The following IL10RA variants were observed in gnomAD, a reference collection of about 807,000 sequenced individuals.
IL10RA encodes the protein interleukin-10 receptor subunit alpha.
In IL10RA, 18 loss-of-function variants were observed where a neutral mutation model predicts 29.6. That is an observed-to-expected ratio of 0.61 (90% CI 0.42 to 0.90). The LOEUF (loss-of-function observed/expected upper bound fraction) is 0.90, where lower values mean the gene tolerates loss of function less well. Ranked by LOEUF, IL10RA falls within the 40% of genes least tolerant of loss-of-function variation. The pLI, the probability that IL10RA is intolerant of heterozygous loss-of-function variation, is 0.00. For synonymous variants in IL10RA, 292 were observed against 294.1 expected (o/e 0.99, Z 0.07); for missense variants, 634 against 716.6 (o/e 0.88, Z 1.32).
chr11:117,996,329 C>T (rs2058056488), intron 6 of IL10RA, among the ~76,000 whole-genome samples: 1 of 152,170 alleles, frequency 6.6e-6, no homozygotes, highest in South Asian at 2.1e-4. Flanking sequence ...AGGCCAAGCC[C>T]TCCTCCCCTC....
chr11:117,993,894 A>G, intron 4 of IL10RA, 105 bp from the exon 5 acceptor site: 1 of 883,722 alleles, frequency 1.1e-6, no homozygotes, highest in Non-Finnish European at 1.9e-6. Flanking sequence ...GACAAAGGAT[A>G]CTGAAGGGGG....
intron 3 of IL10RA, among the ~76,000 whole-genome samples, chr11:117,990,904 G>A (rs1325842080): frequency 6.6e-6 from 1 of 152,092 alleles, no homozygotes; most frequent in Non-Finnish European, 1.5e-5. Context: ...ATGCTTAACA[G>A]TAAAGTGTTG....
At chr11:117,996,245 C>T (rs1382923479) in intron 6 of IL10RA, among the ~76,000 whole-genome samples, 1 of 151,864 alleles carries the variant, frequency 6.6e-6, no homozygotes, top group African/African-American at 2.4e-5. Flanking sequence ...GGAGAGAGGA[C>T]ACTGGGGGGC....
rs775988036 is a variant in IL10RA, at chr11:117,998,819, C to G, written c.915C>G (p.Ser305=). 1.2e-6 allele frequency: 2 copies of G among 1,614,148 alleles called. No homozygotes were observed. Among genetic ancestry groups the G allele is most frequent in the South Asian group, 2.2e-5 (2 of 91,082 alleles). ...PLDEEAFLKV[S]PELKNLDLHG... is the part of the protein sequence containing the mutation. ...ATGAGGAGGCCTTTTTGAAGGTGTC[C>G]CCAGAGCTGAAGAACTTGGACCTGC... Residue 305 remains serine, a synonymous_variant, in exon 7 of 7, where the codon TCC becomes TCG. Coordinates refer to ENST00000227752, the MANE Select transcript of IL10RA (RefSeq NM_001558.4).
intron 3 of IL10RA, among the ~76,000 whole-genome samples, chr11:117,991,896 G>T (rs755568269): frequency 6.6e-6 from 1 of 151,906 alleles, no homozygotes; most frequent in Non-Finnish European, 1.5e-5. Context: ...CACCATGCCC[G>T]GCTAATTTTT....
Position 117,989,619 on chromosome 11 carries a change from A to G in IL10RA, c.366A>G (p.Glu122=). The G allele has an allele frequency of 6.2e-7, 1 of 1,613,802 alleles. No individual in the cohort carries two copies. Among genetic ancestry groups the G allele is most frequent in the Non-Finnish European group, 8.5e-7 (1 of 1,180,004 alleles). ...CCAACACCCGCTTCTCTGTGGATGA[A>G]GGTGCTTTTCCTCCCTTGACTTAGA... is the stretch of plus-strand genomic sequence containing the variant. ...TVTNTRFSVD[E]VTLTVGSVNL... The change falls in exon 3 of 7, where the codon GAA becomes GAG. Residue 122 remains glutamate (E), a splice_region_variant and synonymous_variant. Transcript: ENST00000227752. This position sits in a 1 kb window ranked among gnomAD's most constrained non-coding sequence, Gnocchi z 4.5.
chr11:117,986,742 G>C (rs1165082485), intron 1 of IL10RA: 2 of 1,533,034 alleles, frequency 1.3e-6, no homozygotes, highest in Admixed American at 3.9e-5. Context: ...GGATTGGGAA[G>C]GATAGAGAAG....
At chr11:117,997,974 G>T (rs1446281760) in intron 6 of IL10RA, among the ~76,000 whole-genome samples, 3 of 152,122 alleles carry the variant, frequency 2.0e-5, no homozygotes, top group Non-Finnish European at 4.4e-5. Flanking sequence ...AGGCAGCACG[G>T]TGCTTGATGT....
In IL10RA at chr11:118,000,615, G is replaced by A. The variant is rs1243670632; in HGVS notation, c.*974G>A. ...CTACAGACCCAGAGGATAAGCCACT[G>A]GGCACTGGGCTGGGGTCCCTGCCTT... On this transcript the variant is annotated 3_prime_UTR_variant, in exon 7 of 7. Transcript: ENST00000227752. 2 of 454,172 alleles carry A rather than the reference G, an allele frequency of 4.4e-6. No homozygotes were observed. The allele number at this position is 454,172 out of a possible 1,614,324, so 28.1% of individuals were successfully genotyped here.
chr11:117,997,922 A>G (rs2058066265), intron 6 of IL10RA, among the ~76,000 whole-genome samples: 1 of 152,162 alleles, frequency 6.6e-6, no homozygotes, highest in South Asian at 2.1e-4. Context: ...TAAAGTGCCG[A>G]GAGCATTTCA....
Position 118,000,970 on chromosome 11 carries a change from G to C in IL10RA, c.*1329G>C, listed in dbSNP as rs932573252. On this transcript the variant is annotated 3_prime_UTR_variant, in exon 7 of 7. Transcript: ENST00000227752. The stretch of plus-strand genomic sequence containing the variant: ...GGCAGTTCAGTCCACAGGCATGGAA[G>C]CTGTGAGGGGACAGGCCTGTGCGTG... 2.2e-6 allele frequency: 1 copy of C among 454,040 alleles called. No individual in the cohort carries two copies. The highest frequency in any genetic ancestry group is 2.0e-5 in the African/African-American group (1 of 50,004). The allele number at this position is 454,040 out of a possible 1,614,324, so 28.1% of individuals were successfully genotyped here.
Position 117,999,094 on chromosome 11 carries a change from G to A in IL10RA, c.1190G>A (p.Gly397Asp), listed in dbSNP as rs764212711. Residue 397 changes from glycine (G) to aspartate (D), a missense_variant, in exon 7 of 7, where the codon GGC becomes GAC. Coordinates refer to ENST00000227752, the MANE Select transcript of IL10RA (RefSeq NM_001558.4). ...CAACAGGTGGGGAGCAACAGCAGGG[G>A]CCAGGATGACAGTGGCATTGACTTA... Reference protein sequence around the residue: ...WEQQVGSNSRGQDDSGIDLVQ... With the variant: ...WEQQVGSNSRDQDDSGIDLVQ... 28 of 1,611,382 alleles carry A rather than the reference G, an allele frequency of 1.7e-5. No individual in the cohort carries two copies. Among genetic ancestry groups the A allele is most frequent in the Non-Finnish European group, 2.1e-5 (25 of 1,177,762 alleles).
chr11:117,999,115 A>C lies in IL10RA; in HGVS notation c.1211A>C (p.Asp404Ala). 1.2e-6 allele frequency: 2 copies of C among 1,612,460 alleles called. No homozygotes were observed. Among genetic ancestry groups the C allele is most frequent in the Non-Finnish European group, 8.5e-7 (1 of 1,178,562 alleles). The change falls in exon 7 of 7, where the codon GAC (aspartate) becomes GCC (alanine). Residue 404 changes from aspartate to alanine, a missense_variant. Physicochemically the swap from Asp to Ala is moderately radical, Grantham distance 126. Transcript: ENST00000227752. The part of the protein sequence containing the change: ...NSRGQDDSGI[D>A]LVQNSEGRAG... Reference sequence around the variant, plus strand: ...AGGGGCCAGGATGACAGTGGCATTGACTTAGTTCAAAACTCTGAGGGCCGG... The same window carrying C: ...AGGGGCCAGGATGACAGTGGCATTGCCTTAGTTCAAAACTCTGAGGGCCGG...
Position 117,999,409 on chromosome 11 carries a change from T to C in IL10RA, c.1505T>C (p.Leu502Pro). Residue 502 changes from leucine (L) to proline (P), a missense_variant, in exon 7 of 7, where the codon CTA (leucine) becomes CCA (proline). Transcript: ENST00000227752. The stretch of plus-strand genomic sequence containing the variant: ...AAGGGCTATTTGAAACAGGATCCTC[T>C]AGAAATGACTCTGGCTTCCTCAGGG... ...LAKGYLKQDP[L>P]EMTLASSGAP... The C allele has an allele frequency of 6.2e-7, 1 of 1,614,180 alleles. No individual in the cohort carries two copies. Among genetic ancestry groups the C allele is most frequent in the Non-Finnish European group, 8.5e-7 (1 of 1,180,030 alleles).
intron 3 of IL10RA, among the ~76,000 whole-genome samples, chr11:117,990,926 G>T (rs2058018004): frequency 6.6e-6 from 1 of 152,148 alleles, no homozygotes; most frequent in African/African-American, 2.4e-5. Context: ...GCTGGGCTCG[G>T]TGGCTCACGG....
rs1267973996 is a variant in IL10RA, at chr11:117,998,831, G to A, written c.927G>A (p.Lys309=). The A allele has an allele frequency of 2.5e-6, 4 of 1,614,086 alleles. No homozygotes were observed. Among genetic ancestry groups the A allele is most frequent in the Non-Finnish European group, 3.4e-6 (4 of 1,180,044 alleles). The change falls in exon 7 of 7, where the codon AAG becomes AAA. Residue 309 remains lysine (K), a synonymous_variant. Coordinates refer to ENST00000227752, the MANE Select transcript of IL10RA (RefSeq NM_001558.4). The part of the protein sequence containing the change: ...EAFLKVSPEL[K]NLDLHGSTDS... ...TTTTGAAGGTGTCCCCAGAGCTGAAGAACTTGGACCTGCACGGCAGCACAG... is the reference window on the plus strand; with the variant it reads ...TTTTGAAGGTGTCCCCAGAGCTGAAAAACTTGGACCTGCACGGCAGCACAG...
At chr11:117,987,938 T>C in intron 1 of IL10RA, 1 of 268,772 alleles carries the variant, frequency 3.7e-6, no homozygotes, top group South Asian at 4.1e-5. Flanking sequence ...GCTGTCTGTG[T>C]ACTTAGTGAG....
At chr11:117,992,856 G>A (rs915759131) in intron 3 of IL10RA, among the ~76,000 whole-genome samples, 1 of 152,200 alleles carries the variant, frequency 6.6e-6, no homozygotes, top group Non-Finnish European at 1.5e-5. Flanking sequence ...TCCATTTTGT[G>A]TTGATTGTTG....
rs201370843 is a variant in IL10RA, at chr11:117,995,560, G to A, written c.689-29G>A. ...GAATCACCGTGCCCCATGGTGACAGGCCACAAACACATCTCTCTGGGCCTG... is the reference window on the plus strand; with the variant it reads ...GAATCACCGTGCCCCATGGTGACAGACCACAAACACATCTCTCTGGGCCTG... On this transcript the variant is annotated intron_variant, in intron 5 of 6. Transcript: ENST00000227752. 3.5e-4 allele frequency: 569 copies of A among 1,613,764 alleles called. 2 individuals carry two copies. Among genetic ancestry groups the A allele is most frequent in the Non-Finnish European group, 4.4e-4 (520 of 1,179,946 alleles).
Sources: allele counts gnomAD v4.1 joint callset (sites outside exome capture counted in the v4.1 genomes callset), GRCh38; gene constraint gnomAD v4.1.1; non-coding constraint Gnocchi (gnomAD v3.1); transcripts MANE v1.5; gene names NCBI Gene and HGNC (gene_info 2026-07-23, HGNC 2026-07-21).